Variants in AGBL4 observed in about 807,000 individuals in gnomAD.
The protein encoded by AGBL4 is cytosolic carboxypeptidase 6.
Under a neutral mutation model 66.4 loss-of-function variants are expected in AGBL4, and 58 were observed. The observed-to-expected ratio is 0.87, with a 90% CI of 0.71 to 1.09. The LOEUF (loss-of-function observed/expected upper bound fraction) is 1.09. Ranked by LOEUF, AGBL4 falls within the 50% of genes least tolerant of loss-of-function variation. AGBL4 has a pLI of 0.00. For missense variants in AGBL4, 579 were observed against 631.0 expected, an observed-to-expected ratio of 0.92 and a Z score of 0.88; for synonymous variants, 234 against 222.9, an observed-to-expected ratio of 1.05 and a Z score of -0.44.
intron 6 of AGBL4, among the ~76,000 whole-genome samples, chr1:48,684,027 A>G (rs1646493847): frequency 6.6e-6 from 1 of 152,362 alleles, no homozygotes; most frequent in South Asian, 2.1e-4. Flanking sequence ...CTCTGCAGGC[A>G]TTCAGAATCT....
At chr1:49,726,330 G>A (rs186138601) in intron 2 of AGBL4, among the ~76,000 whole-genome samples, 5 of 152,192 alleles carry the variant, frequency 3.3e-5, no homozygotes, top group Admixed American at 2.6e-4. Context: ...TAAAGGAGAT[G>A]CAAGAGTCAA....
intron 1 of AGBL4, among the ~76,000 whole-genome samples, chr1:49,868,348 G>A (rs1031577011): frequency 6.6e-6 from 1 of 152,130 alleles, no homozygotes; most frequent in African/African-American, 2.4e-5. Context: ...AAACAAGGCT[G>A]GAGGCATCAC....
chr1:49,747,058 T>C (rs769858246), intron 2 of AGBL4, among the ~76,000 whole-genome samples: 38 of 152,318 alleles, frequency 2.5e-4, no homozygotes, highest in Non-Finnish European at 4.1e-4. Flanking sequence ...GCTATTGACA[T>C]GGCTGACGCA....
chr1:49,821,165 C>A (rs1045091662), intron 2 of AGBL4, among the ~76,000 whole-genome samples: 2 of 152,086 alleles, frequency 1.3e-5, no homozygotes, highest in African/African-American at 4.8e-5. Context: ...GGAATAGGTA[C>A]CATGAAGCTT....
chr1:49,708,754 T>G (rs1280566078), intron 2 of AGBL4, among the ~76,000 whole-genome samples: 1 of 152,188 alleles, frequency 6.6e-6, no homozygotes, highest in African/African-American at 2.4e-5. Context: ...GCATCCTTTA[T>G]GCTGATGTTG....
intron 1 of AGBL4, among the ~76,000 whole-genome samples, chr1:49,902,472 G>A (rs1649856213): frequency 1.3e-5 from 2 of 152,184 alleles, no homozygotes; most frequent in Admixed American, 1.3e-4. Flanking sequence ...AATCAGGCCG[G>A]GTGTGGTGGC....
chr1:49,533,406 G>T (rs1651300405), intron 3 of AGBL4, among the ~76,000 whole-genome samples: 1 of 152,094 alleles, frequency 6.6e-6, no homozygotes, highest in South Asian at 2.1e-4. Flanking sequence ...CAAGTCAAAA[G>T]ATGATCTTTT....
At chr1:48,630,385 T>C (rs1291335589) in intron 9 of AGBL4, among the ~76,000 whole-genome samples, 1 of 152,164 alleles carries the variant, frequency 6.6e-6, no homozygotes, top group Non-Finnish European at 1.5e-5. Context: ...TACTGTACAC[T>C]GAGCACCTCT....
chr1:49,784,459 CCA>C (rs1412370810), intron 2 of AGBL4, among the ~76,000 whole-genome samples: 4 of 151,994 alleles, frequency 2.6e-5, no homozygotes, highest in Non-Finnish European at 5.9e-5. Flanking sequence ...CTTCCTCAAA[CCA>C]CAAATGATGG....
intron 2 of AGBL4, among the ~76,000 whole-genome samples, chr1:49,801,911 GT>G (rs545324670): frequency 7.7e-4 from 118 of 152,324 alleles, no homozygotes; most frequent in African/African-American, 2.7e-3. Context: ...AAAGCTATGT[GT>G]TTTTAGAAGT....
intron 3 of AGBL4, among the ~76,000 whole-genome samples, chr1:49,265,986 C>G (rs1032560434): frequency 6.6e-6 from 1 of 152,066 alleles, no homozygotes. Flanking sequence ...AATCCTGGGC[C>G]TCATATATCA....
intron 6 of AGBL4, chr1:48,776,932 GGGGGGC>G (rs1645128430): frequency 3.4e-6 from 2 of 592,536 alleles, no homozygotes; most frequent in East Asian, 7.4e-5. Context: ...ACGGTGCTGG[GGGGGGC>G]GGGGGCGGCT....
At chr1:48,798,361 T>C (rs1389158460) in intron 6 of AGBL4, among the ~76,000 whole-genome samples, 2 of 152,218 alleles carry the variant, frequency 1.3e-5, no homozygotes, top group African/African-American at 4.8e-5. Context: ...GAGTTTCTTG[T>C]AGATTCTGGA....
intron 4 of AGBL4, among the ~76,000 whole-genome samples, chr1:49,052,636 A>G (rs1644240780): frequency 6.6e-6 from 1 of 152,180 alleles, no homozygotes; most frequent in African/African-American, 2.4e-5. Flanking sequence ...GGTAGACCAT[A>G]GCTGAAATGG....
intron 3 of AGBL4, among the ~76,000 whole-genome samples, chr1:49,621,241 C>T (rs1177446856): frequency 1.3e-5 from 2 of 152,124 alleles, no homozygotes; most frequent in African/African-American, 2.4e-5. Flanking sequence ...GCAGTTTGGC[C>T]ATGAGAGTAC....
intron 6 of AGBL4, among the ~76,000 whole-genome samples, chr1:48,682,257 G>T (rs893463880): frequency 1.3e-5 from 2 of 152,210 alleles, no homozygotes; most frequent in Non-Finnish European, 2.9e-5. Context: ...TATTTGTTAT[G>T]CAGACCAAAG....
rs970569872 is a variant in AGBL4, at chr1:49,507,905, G to T, written c.282+189408C>A. 5.9e-5 allele frequency among the ~76,000 whole-genome samples: 9 copies of T among 151,840 alleles called. 1 individual carries two copies. The Middle Eastern group carries it at 0.01, about 172-fold the overall frequency. ...ACTTGCTTAAGTTGCTCTTAAGGAA[G>T]ACATTTTTCTTCTTGATTTTGACTT... On this transcript the variant is annotated intron_variant, in intron 3 of 13. Coordinates refer to ENST00000371839, the MANE Select transcript of AGBL4 (RefSeq NM_032785.4).
intron 2 of AGBL4, among the ~76,000 whole-genome samples, chr1:49,746,399 T>C (rs2147823107): frequency 6.6e-6 from 1 of 152,150 alleles, no homozygotes; most frequent in South Asian, 2.1e-4. Flanking sequence ...TTTGTTCTCA[T>C]ACATCCTCTT....
At chr1:49,888,092 C>T (rs2148160495) in intron 1 of AGBL4, among the ~76,000 whole-genome samples, 1 of 152,168 alleles carries the variant, frequency 6.6e-6, no homozygotes, top group East Asian at 1.9e-4. Context: ...ATTCAAACTA[C>T]CTTCATAAAC....
Sources: gnomAD v4.1 joint callset for allele counts (sites outside exome capture counted in the v4.1 genomes callset) on GRCh38, gnomAD v4.1.1 for gene constraint, MANE v1.5 for transcripts, NCBI Gene and HGNC (gene_info 2026-07-23, HGNC 2026-07-21) for gene names.